The following DLG2 variants were observed in gnomAD, a reference collection of about 807,000 sequenced individuals.
DLG2 encodes the protein disks large homolog 2.
A neutral mutation model predicts 132.5 loss-of-function variants in DLG2; 45 were observed. The ratio of observed to expected loss-of-function variants is 0.34; its 90% CI spans 0.27 to 0.44. DLG2 has a LOEUF of 0.44. DLG2 is among the 20% of genes least tolerant of loss of function. The pLI, the probability that DLG2 is intolerant of heterozygous loss-of-function variation, is 1.00. For synonymous variants in DLG2, 424 were observed against 419.6 expected (o/e 1.01, Z -0.13); for missense variants, 1,045 against 1,196.9 (o/e 0.87, Z 1.87).
At chr11:85,455,606 A>T (rs2092396844) in intron 3 of DLG2, among the ~76,000 whole-genome samples, 1 of 152,056 alleles carries the variant, frequency 6.6e-6, no homozygotes, top group Non-Finnish European at 1.5e-5. Flanking sequence ...CATTCTGGTT[A>T]TCAAGGGGAC....
At chr11:85,505,915 C>T (rs376586316) in intron 3 of DLG2, among the ~76,000 whole-genome samples, 1 of 152,274 alleles carries the variant, frequency 6.6e-6, no homozygotes, top group East Asian at 1.9e-4. Context: ...TTGGTCTATT[C>T]AGGGATTTAA....
At chr11:83,844,200 A>C (rs368801470) in intron 16 of DLG2, among the ~76,000 whole-genome samples, 1 of 152,134 alleles carries the variant, frequency 6.6e-6, no homozygotes, top group Non-Finnish European at 1.5e-5. Flanking sequence ...GCACTTCAAC[A>C]ATATCCAGGA....
At position 85,215,811 on chromosome 11, in the gene DLG2, T is replaced by C. The variant is rs187159619; in HGVS notation, c.187-61160A>G. On this transcript the variant is annotated intron_variant, in intron 4 of 27. Coordinates refer to ENST00000376104, the MANE Select transcript of DLG2 (RefSeq NM_001142699.3). Reference sequence around the variant, plus strand: ...ACAATGCATGCATTAATAAACTTGTTTGTTTTTCTCTTGTAATATGTCTTT... The same window carrying C: ...ACAATGCATGCATTAATAAACTTGTCTGTTTTTCTCTTGTAATATGTCTTT... 1.8e-3 allele frequency among the ~76,000 whole-genome samples: 273 copies of C among 152,296 alleles called. 6 individuals carry two copies. Among genetic ancestry groups the C allele is most frequent in the Admixed American group, 7.4e-3 (113 of 15,286 alleles).
intron 19 of DLG2, among the ~76,000 whole-genome samples, chr11:83,583,406 G>A (rs7130901): frequency 6.6e-6 from 1 of 152,162 alleles, no homozygotes; most frequent in Non-Finnish European, 1.5e-5. Flanking sequence ...TCCATTATTA[G>A]GGGCAGTGTG....
At chr11:85,036,339 T>C in intron 6 of DLG2, among the ~76,000 whole-genome samples, 1 of 152,152 alleles carries the variant, frequency 6.6e-6, no homozygotes, top group Admixed American at 6.5e-5. Context: ...TTGTTTTTCC[T>C]TCTCCCCATC....
intron 17 of DLG2, among the ~76,000 whole-genome samples, chr11:83,832,032 C>T (rs973717125): frequency 6.6e-5 from 10 of 151,986 alleles, no homozygotes; most frequent in African/African-American, 2.4e-4. Flanking sequence ...TACTTAAATC[C>T]CAGCTCTGAC....
intron 7 of DLG2, among the ~76,000 whole-genome samples, chr11:84,408,288 G>T (rs2154453237): frequency 6.6e-6 from 1 of 151,980 alleles, no homozygotes; most frequent in East Asian, 1.9e-4. Context: ...AAGAAGAAAT[G>T]AAATATATGC....
chr11:85,032,107 T>C (rs2061054728), intron 6 of DLG2, among the ~76,000 whole-genome samples: 1 of 151,960 alleles, frequency 6.6e-6, no homozygotes, highest in South Asian at 2.1e-4. Flanking sequence ...CTGACCACCA[T>C]ACATATTTCA....
intron 3 of DLG2, among the ~76,000 whole-genome samples, chr11:85,399,700 A>C (rs905323877): frequency 3.3e-5 from 5 of 152,204 alleles, no homozygotes; most frequent in Non-Finnish European, 5.9e-5. Context: ...CTATTTAATA[A>C]ATGGTGCTGG....
chr11:83,725,353 T>C (rs1488273416), intron 18 of DLG2: 1 of 161,914 alleles, frequency 6.2e-6, no homozygotes, highest in African/African-American at 2.4e-5. Flanking sequence ...TGGTATCTTC[T>C]TTTAAAATGT....
chr11:85,520,437 T>C (rs1272601234), intron 3 of DLG2, among the ~76,000 whole-genome samples: 2 of 151,454 alleles, frequency 1.3e-5, no homozygotes, highest in Admixed American at 6.6e-5. Context: ...GTCTGCCAGG[T>C]TCAATGCAAT....
chr11:83,570,977 G>C (rs967824365), intron 19 of DLG2, among the ~76,000 whole-genome samples: 3 of 152,048 alleles, frequency 2.0e-5, no homozygotes, highest in Admixed American at 6.5e-5. Flanking sequence ...CCAACTCCTG[G>C]GTTCAAGCAA....
At chr11:84,968,871 A>G (rs2053673632) in intron 6 of DLG2, among the ~76,000 whole-genome samples, 1 of 152,134 alleles carries the variant, frequency 6.6e-6, no homozygotes, top group African/African-American at 2.4e-5. Context: ...TAACTACAAA[A>G]TGTCATAATT....
chr11:84,851,355 A>G (rs931609212), intron 6 of DLG2, among the ~76,000 whole-genome samples: 2 of 152,122 alleles, frequency 1.3e-5, no homozygotes, highest in African/African-American at 4.8e-5. Context: ...GTATTCCACT[A>G]TATGAGTATA....
intron 18 of DLG2, among the ~76,000 whole-genome samples, chr11:83,689,218 C>T (rs560039860): frequency 6.2e-4 from 94 of 152,158 alleles, no homozygotes; most frequent in South Asian, 5.6e-3. Context: ...GAGTCTTAAG[C>T]TGGGTCTTAA....
At chr11:85,060,175 A>C (rs532856727) in intron 6 of DLG2, among the ~76,000 whole-genome samples, 5 of 151,466 alleles carry the variant, frequency 3.3e-5, no homozygotes, top group Non-Finnish European at 7.4e-5. Flanking sequence ...GACACTTCAC[A>C]TAACTGGAAT....
At chr11:84,564,901 G>C (rs184924276) in intron 6 of DLG2, among the ~76,000 whole-genome samples, 4 of 152,242 alleles carry the variant, frequency 2.6e-5, no homozygotes, top group Admixed American at 1.3e-4. Context: ...ACTTTATAAG[G>C]TGAAATGGTC....
rs146965473 is a variant in DLG2, at chr11:83,722,979, C to A, written c.1825+63711G>T. Among the ~76,000 whole-genome samples the A allele has an allele frequency of 1.3e-3, 195 of 152,234 alleles. 2 individuals carry two copies. Among genetic ancestry groups the A allele is most frequent in the African/African-American group, 4.5e-3 (188 of 41,524 alleles). On this transcript the variant is annotated intron_variant, in intron 18 of 27. Transcript: ENST00000376104. ...TAAAAAATTTTATTTATGGCCCCTA[C>A]CAGAAAGATGTGTGGCTATGTTACA...
chr11:85,487,475 T>C (rs917038682), intron 3 of DLG2, among the ~76,000 whole-genome samples: 19 of 146,704 alleles, frequency 1.3e-4, no homozygotes, highest in African/African-American at 4.0e-4. Flanking sequence ...AAGATAGGTA[T>C]TTCTAAAAAG....
Sources: allele counts gnomAD v4.1 joint callset (sites outside exome capture counted in the v4.1 genomes callset), GRCh38; gene constraint gnomAD v4.1.1; transcripts MANE v1.5; gene names NCBI Gene and HGNC (gene_info 2026-07-23, HGNC 2026-07-21).